YAP1: variants seen among roughly 807,000 people sequenced by gnomAD.
YAP1 encodes the protein Yes1 associated transcriptional regulator.
Under a neutral mutation model 56.9 loss-of-function variants are expected in YAP1, and 5 were observed. That is an observed-to-expected ratio of 0.09 (90% CI 0.05 to 0.18). The LOEUF (loss-of-function observed/expected upper bound fraction) is 0.18. Among genes scored for constraint, YAP1 ranks in the 10% least tolerant of loss-of-function variants. YAP1 has a pLI of 1.00. For missense variants in YAP1, 539 were observed against 651.8 expected (o/e 0.83, Z 1.88); for synonymous variants, 265 against 248.1 (o/e 1.07, Z -0.64).
intron 2 of YAP1, among the ~76,000 whole-genome samples, chr11:102,120,621 C>T (rs911980187): frequency 3.3e-5 from 5 of 152,174 alleles, no homozygotes; most frequent in South Asian, 4.1e-4. Flanking sequence ...GGTGAGGGGA[C>T]ATTTTATTAA....
chr11:102,219,184 T>A (rs1320505331), intron 6 of YAP1, among the ~76,000 whole-genome samples: 1 of 152,234 alleles, frequency 6.6e-6, no homozygotes, highest in Non-Finnish European at 1.5e-5. Flanking sequence ...ATCAGCCTTT[T>A]CTGGAGTCTA....
chr11:102,215,008 A>C, intron 6 of YAP1, among the ~76,000 whole-genome samples: 1 of 152,208 alleles, frequency 6.6e-6, no homozygotes, highest in East Asian at 1.9e-4. Context: ...TAATCAAAAA[A>C]GTTGTTCTAA....
At chr11:102,130,668 G>C (rs1944320883) in intron 2 of YAP1, among the ~76,000 whole-genome samples, 1 of 149,284 alleles carries the variant, frequency 6.7e-6, no homozygotes, top group Non-Finnish European at 1.5e-5. Context: ...CTCCCAAAAT[G>C]CTGGGATTAC....
intron 2 of YAP1, among the ~76,000 whole-genome samples, chr11:102,157,584 T>A (rs187652969): frequency 6.6e-6 from 1 of 152,360 alleles, no homozygotes; most frequent in Admixed American, 6.5e-5. Flanking sequence ...AGTTTTATTG[T>A]TTACTAAAAG....
At chr11:102,164,858 G>A (rs547924955) in intron 3 of YAP1, among the ~76,000 whole-genome samples, 2 of 152,288 alleles carry the variant, frequency 1.3e-5, no homozygotes, top group African/African-American at 4.8e-5. Context: ...GAGTAGCTGG[G>A]ATTATAGGAA....
intron 1 of YAP1, among the ~76,000 whole-genome samples, chr11:102,111,544 G>C (rs1188876025): frequency 6.6e-6 from 1 of 151,788 alleles, no homozygotes; most frequent in Non-Finnish European, 1.5e-5. Flanking sequence ...GGCCGCGGTG[G>C]GCTTGCACAA....
At chr11:102,203,597 G>T (rs187399636) in intron 4 of YAP1, among the ~76,000 whole-genome samples, 226 of 152,220 alleles carry the variant, frequency 1.5e-3, no homozygotes, top group African/African-American at 5.2e-3. Flanking sequence ...TTAACAATTG[G>T]GAAGAAAGCG....
At chr11:102,217,994 C>G (rs1388878766) in intron 6 of YAP1, among the ~76,000 whole-genome samples, 1 of 152,176 alleles carries the variant, frequency 6.6e-6, no homozygotes, top group Non-Finnish European at 1.5e-5. Flanking sequence ...AGCCACTGCA[C>G]CCGGCTGAGG....
At chr11:102,148,608 G>C (rs999002481) in intron 2 of YAP1, among the ~76,000 whole-genome samples, 2 of 152,140 alleles carry the variant, frequency 1.3e-5, no homozygotes, top group Non-Finnish European at 2.9e-5. Context: ...TAACCATACA[G>C]CACTAGAATC....
intron 7 of YAP1, among the ~76,000 whole-genome samples, chr11:102,224,442 A>G (rs1198763948): frequency 6.6e-6 from 1 of 152,198 alleles, no homozygotes; most frequent in Admixed American, 6.5e-5. Context: ...TCCTTCTTCT[A>G]GGTTGTGGAG....
chr11:102,201,387 C>A (rs1001398749), intron 4 of YAP1, among the ~76,000 whole-genome samples: 1 of 152,118 alleles, frequency 6.6e-6, no homozygotes, highest in African/African-American at 2.4e-5. Context: ...AATACTGATA[C>A]AGTTTACCTG....
rs114485354 is a variant in YAP1 at position 102,226,144 on chromosome 11, C to T, written c.1164-1325C>T. On this transcript the variant is annotated intron_variant, in intron 7 of 8. Coordinates refer to ENST00000282441, the MANE Select transcript of YAP1 (RefSeq NM_001130145.3). Reference sequence around the variant, plus strand: ...GATGACTAGGACCAGGCTCTTGTCCCAGATCAGGGCAGGCAAAATACAAAC... The same window carrying T: ...GATGACTAGGACCAGGCTCTTGTCCTAGATCAGGGCAGGCAAAATACAAAC... Among the ~76,000 whole-genome samples, 542 of 152,312 alleles carry T rather than the reference C, an allele frequency of 3.6e-3. 2 individuals are homozygous for T. The highest frequency in any genetic ancestry group is 0.012 in the African/African-American group (519 of 41,570).
At chr11:102,176,024 T>C (rs1947226420) in intron 3 of YAP1, among the ~76,000 whole-genome samples, 1 of 152,198 alleles carries the variant, frequency 6.6e-6, no homozygotes, top group Non-Finnish European at 1.5e-5. Context: ...ATTTCAGATA[T>C]TTATGTTTAT....
At chr11:102,188,355 C>T (rs1948096083) in intron 4 of YAP1, among the ~76,000 whole-genome samples, 1 of 151,936 alleles carries the variant, frequency 6.6e-6, no homozygotes, top group African/African-American at 2.4e-5. Flanking sequence ...GGAGCTAAGC[C>T]CCTAGAGAAG....
intron 4 of YAP1, among the ~76,000 whole-genome samples, chr11:102,193,030 C>T (rs571357192): frequency 1.3e-5 from 2 of 152,266 alleles, no homozygotes; most frequent in South Asian, 2.1e-4. Flanking sequence ...CAAAGTTCAG[C>T]TTTATTGCCT....
At chr11:102,157,327 G>T (rs959743066) in intron 2 of YAP1, among the ~76,000 whole-genome samples, 44 of 152,296 alleles carry the variant, frequency 2.9e-4, no homozygotes, top group Admixed American at 2.7e-3. Flanking sequence ...CTCATGGAAG[G>T]ATTAGATTGA....
At chr11:102,197,852 C>A (rs1482080103) in intron 4 of YAP1, among the ~76,000 whole-genome samples, 3 of 152,266 alleles carry the variant, frequency 2.0e-5, no homozygotes, top group African/African-American at 4.8e-5. Context: ...TGCCCCCTTT[C>A]CCCAGGAAAC....
chr11:102,128,208 C>T (rs1944151987), intron 2 of YAP1, among the ~76,000 whole-genome samples: 1 of 152,154 alleles, frequency 6.6e-6, no homozygotes, highest in Non-Finnish European at 1.5e-5. Flanking sequence ...CCAACGGCAG[C>T]ATGATATGAT....
chr11:102,230,065 G>A lies in YAP1; in HGVS notation c.*125G>A. The A allele has an allele frequency of 1.3e-6, 1 of 794,908 alleles. No individual in the cohort carries two copies. The highest frequency in any genetic ancestry group is 2.1e-6 in the Non-Finnish European group (1 of 485,786). The allele number at this position is 794,908 out of a possible 1,614,324, so 49.2% of individuals were successfully genotyped here. A position where few individuals can be genotyped will look rare whatever the true frequency, so the allele number is the denominator to read the frequency against. On this transcript the variant is annotated 3_prime_UTR_variant, in exon 9 of 9. Transcript: ENST00000282441. Reference sequence around the variant, plus strand: ...AAAAAGATGAACAAACGTCCAGCAAGATACTTTAATCCTCTATTTTGCTCT... The same window carrying A: ...AAAAAGATGAACAAACGTCCAGCAAAATACTTTAATCCTCTATTTTGCTCT...
Sources: gnomAD v4.1 joint callset for allele counts (sites outside exome capture counted in the v4.1 genomes callset) on GRCh38, gnomAD v4.1.1 for gene constraint, MANE v1.5 for transcripts, NCBI Gene and HGNC (gene_info 2026-07-23, HGNC 2026-07-21) for gene names.